Variants in ADAM18 observed in about 807,000 individuals in gnomAD.
ADAM18 encodes the protein ADAM metallopeptidase domain 18.
In ADAM18, 117 loss-of-function variants were observed where a neutral mutation model predicts 94.4. The ratio of observed to expected loss-of-function variants is 1.24; its 90% confidence interval spans 1.07 to 1.45. The LOEUF (loss-of-function observed/expected upper bound fraction) is 1.45, where lower values mean the gene tolerates loss of function less well. Ranked by LOEUF, ADAM18 falls within the 40% of genes most tolerant of loss-of-function variation. The pLI, the probability that ADAM18 is intolerant of heterozygous loss-of-function variation, is 0.00. For synonymous variants in ADAM18, 327 were observed against 291.6 expected, an observed-to-expected ratio of 1.12 and a Z score of -1.24; for missense variants, 936 against 880.0, an observed-to-expected ratio of 1.06 and a Z score of -0.81.
At chr8:39,720,047 A>T (rs1236350810) in intron 18 of ADAM18, among the ~76,000 whole-genome samples, 2 of 140,756 alleles carry the variant, frequency 1.4e-5, no homozygotes, top group Non-Finnish European at 3.2e-5. Flanking sequence ...TAACATCTGG[A>T]AACAATGTAA....
intron 2 of ADAM18, among the ~76,000 whole-genome samples, chr8:39,599,863 A>G (rs971494539): frequency 2.0e-5 from 3 of 151,730 alleles, no homozygotes; most frequent in African/African-American, 7.3e-5. Flanking sequence ...TGTTTTGAAG[A>G]TTTAAAAAAT....
intron 3 of ADAM18, among the ~76,000 whole-genome samples, chr8:39,608,786 A>G (rs1325449070): frequency 6.6e-6 from 1 of 152,084 alleles, no homozygotes; most frequent in African/African-American, 2.4e-5. Flanking sequence ...CATTTGTTGA[A>G]CGTCATCATA....
In ADAM18 at chr8:39,609,033, G is replaced by GT. The variant is rs749910120; in HGVS notation, c.189-3dup. The GT allele has an allele frequency of 8.0e-6, 12 of 1,493,840 alleles. No individual in the cohort carries two copies. Among genetic ancestry groups the GT allele is most frequent in the South Asian group, 1.2e-5 (1 of 80,198 alleles). 92.5% of individuals were successfully genotyped at this position (1,493,840 alleles called of 1,614,324 possible). On this transcript the variant is annotated splice_polypyrimidine_tract_variant and intron_variant, in intron 3 of 19. Transcript: ENST00000265707. ...ATTCATACTTTTTTATTATTTCTTG[G>GT]TTTTTTAGATCATTCTTACCCCAGA...
intron 18 of ADAM18, among the ~76,000 whole-genome samples, chr8:39,720,507 A>G (rs1462893354): frequency 6.6e-6 from 1 of 151,538 alleles, no homozygotes; most frequent in Admixed American, 6.6e-5. Context: ...ATAATTTATA[A>G]AAGAATTTAC....
chr8:39,618,753 C>G (rs575813414), intron 6 of ADAM18, among the ~76,000 whole-genome samples: 1 of 152,128 alleles, frequency 6.6e-6, no homozygotes, highest in Non-Finnish European at 1.5e-5. Context: ...TATAGACTCC[C>G]GCAAGGGTCG....
At chr8:39,663,347 G>A (rs1288834780) in intron 12 of ADAM18, among the ~76,000 whole-genome samples, 2 of 150,096 alleles carry the variant, frequency 1.3e-5, no homozygotes, top group Non-Finnish European at 1.5e-5. Flanking sequence ...CTAGCACTTT[G>A]TGAGGCTGAG....
chr8:39,712,975 T>C (rs909577380), intron 18 of ADAM18, among the ~76,000 whole-genome samples: 9 of 152,144 alleles, frequency 5.9e-5, no homozygotes, highest in Non-Finnish European at 1.2e-4. Context: ...AGAGCCCACA[T>C]TGCCAAGACA....
At chr8:39,712,806 A>G (rs1269453903) in intron 18 of ADAM18, among the ~76,000 whole-genome samples, 1 of 152,212 alleles carries the variant, frequency 6.6e-6, no homozygotes, top group African/African-American at 2.4e-5. Flanking sequence ...AAAGAAATGG[A>G]AGAACAGTCC....
intron 2 of ADAM18, among the ~76,000 whole-genome samples, chr8:39,589,286 G>C (rs1818500095): frequency 6.6e-6 from 1 of 152,202 alleles, no homozygotes; most frequent in Non-Finnish European, 1.5e-5. Context: ...ATTAATTTAT[G>C]TTAGGCACAT....
chr8:39,601,854 C>T (rs776783101), intron 2 of ADAM18, among the ~76,000 whole-genome samples: 22 of 152,246 alleles, frequency 1.4e-4, no homozygotes, highest in Admixed American at 2.0e-4. Flanking sequence ...CCCTTTCCAA[C>T]CATCTTTCTA....
chr8:39,702,632 C>A (rs1371529459), intron 17 of ADAM18, among the ~76,000 whole-genome samples: 1 of 152,106 alleles, frequency 6.6e-6, no homozygotes, highest in Non-Finnish European at 1.5e-5. Context: ...AATTTTAAGT[C>A]TTTAGTCCAT....
At chr8:39,729,313 A>G (rs986041049) in intron 19 of ADAM18, among the ~76,000 whole-genome samples, 1 of 152,204 alleles carries the variant, frequency 6.6e-6, no homozygotes, top group African/African-American at 2.4e-5. Context: ...ACTGTACACT[A>G]AAAATGGTTA....
intron 18 of ADAM18, among the ~76,000 whole-genome samples, chr8:39,717,374 A>G (rs949313537): frequency 2.6e-5 from 4 of 151,856 alleles, no homozygotes; most frequent in Non-Finnish European, 4.4e-5. Context: ...TCACCATTAC[A>G]GCAACACTGT....
chr8:39,669,265 GTTC>G (rs1821082507), intron 14 of ADAM18, among the ~76,000 whole-genome samples: 1 of 146,798 alleles, frequency 6.8e-6, no homozygotes, highest in Admixed American at 6.8e-5. Context: ...TCTTTTTTGA[GTTC>G]TTTTTTGTTT....
intron 8 of ADAM18, 67 bp from the exon 9 acceptor site, chr8:39,637,470 T>C: frequency 1.4e-6 from 2 of 1,443,836 alleles, no homozygotes; most frequent in Non-Finnish European, 1.9e-6. Flanking sequence ...TGTTGTTTAT[T>C]TTTTAATGTA....
At chr8:39,709,303 A>T (rs952978407) in intron 18 of ADAM18, among the ~76,000 whole-genome samples, 1 of 152,124 alleles carries the variant, frequency 6.6e-6, no homozygotes. Context: ...GTCCTTCTGA[A>T]ATCAAGCCAC....
intron 17 of ADAM18, among the ~76,000 whole-genome samples, chr8:39,703,184 G>C (rs1443566798): frequency 6.6e-6 from 1 of 152,122 alleles, no homozygotes; most frequent in East Asian, 1.9e-4. Context: ...AGTTCTTGTA[G>C]AGACCTTTCA....
At chr8:39,613,009 C>T (rs746487144) in intron 6 of ADAM18, among the ~76,000 whole-genome samples, 3 of 152,162 alleles carry the variant, frequency 2.0e-5, no homozygotes, top group Non-Finnish European at 1.5e-5. Flanking sequence ...CCCCATAGAG[C>T]TACCACCGCT....
intron 19 of ADAM18, among the ~76,000 whole-genome samples, chr8:39,727,000 C>G (rs1375975345): frequency 6.6e-6 from 1 of 152,114 alleles, no homozygotes; most frequent in Non-Finnish European, 1.5e-5. Context: ...AAAGTAGTTA[C>G]TTTTGATAGA....
Sources: allele counts gnomAD v4.1 joint callset (sites outside exome capture counted in the v4.1 genomes callset), GRCh38; gene constraint gnomAD v4.1.1; transcripts MANE v1.5; gene names NCBI Gene and HGNC (gene_info 2026-07-23, HGNC 2026-07-21).